MTMR3: variants seen among roughly 807,000 people sequenced by gnomAD.
The protein encoded by MTMR3 is phosphatidylinositol-3,5-bisphosphate 3-phosphatase MTMR3.
In MTMR3, 32 loss-of-function variants were observed where a neutral mutation model predicts 132.4. The ratio of observed to expected loss-of-function variants is 0.24; its 90% CI spans 0.18 to 0.32. MTMR3 has a LOEUF of 0.32. Ranked by LOEUF, MTMR3 falls within the 10% of genes least tolerant of loss-of-function variation. MTMR3 has a pLI of 1.00. For synonymous variants in MTMR3, 556 were observed against 550.3 expected, an observed-to-expected ratio of 1.01 and a Z score of -0.14; for missense variants, 1,216 against 1,489.6, an observed-to-expected ratio of 0.82 and a Z score of 3.02.
rs1056745238 is a variant in MTMR3, at chr22:29,951,941, G to C, written c.-137-5095G>C. On this transcript the variant is annotated intron_variant, in intron 1 of 19. Transcript: ENST00000401950. ...CTCTCACTCTATCAAGTGGAGTGTC[G>C]TGTAGTGGCTCGATCATGGCTCACT... Among the ~76,000 whole-genome samples, 11 of 140,938 alleles carry C rather than the reference G, an allele frequency of 7.8e-5. 1 individual carries two copies. Among genetic ancestry groups the C allele is most frequent in the South Asian group, 4.4e-4 (2 of 4,572 alleles). The allele number at this position is 140,938 out of a possible 152,430, so 92.5% of individuals were successfully genotyped here. A position where few individuals can be genotyped will look rare whatever the true frequency, so the allele number is the denominator to read the frequency against.
intron 7 of MTMR3, chr22:29,995,219 A>T (rs1730335419): frequency 6.6e-6 from 1 of 152,294 alleles, no homozygotes; most frequent in Non-Finnish European, 1.5e-5. Context: ...CCGGGTTTGA[A>T]TGCAGTCCAG....
At chr22:29,893,387 G>A (rs947986067) in intron 1 of MTMR3, among the ~76,000 whole-genome samples, 1 of 152,062 alleles carries the variant, frequency 6.6e-6, no homozygotes, top group Non-Finnish European at 1.5e-5. Flanking sequence ...GTATGTATTT[G>A]TTTATTTAGT....
intron 1 of MTMR3, among the ~76,000 whole-genome samples, chr22:29,911,144 G>A (rs1389920259): frequency 1.3e-5 from 2 of 152,118 alleles, no homozygotes; most frequent in East Asian, 3.9e-4. Context: ...GTAAAGAGGA[G>A]CATGAGATAG....
At chr22:29,909,668 AT>A (rs1331959913) in intron 1 of MTMR3, among the ~76,000 whole-genome samples, 1 of 152,234 alleles carries the variant, frequency 6.6e-6, no homozygotes, top group Non-Finnish European at 1.5e-5. Flanking sequence ...TCTCCCCTCC[AT>A]TAATTGTAAC....
intron 2 of MTMR3, among the ~76,000 whole-genome samples, chr22:29,959,820 G>C (rs2066274861): frequency 1.4e-5 from 2 of 147,478 alleles, no homozygotes; most frequent in African/African-American, 5.1e-5. Flanking sequence ...ATGCAGTGGT[G>C]TGATCATGGG....
chr22:30,020,016 A>C lies in MTMR3; in HGVS notation c.2357A>C (p.Glu786Ala). The C allele has an allele frequency of 6.2e-7, 1 of 1,614,132 alleles. No individual in the cohort carries two copies. The highest frequency in any genetic ancestry group is 8.5e-7 in the Non-Finnish European group (1 of 1,180,008). ...TCTCTCCAGGTCCCCCCCAGGGGAG[A>C]GGATTCCCTGGAGGTCCCTGTGGAG... is the stretch of plus-strand genomic sequence containing the variant. ...LSSLQVPPRG[E>A]DSLEVPVEQF... The change falls in exon 17 of 20, where the codon GAG (glutamate) becomes GCG (alanine). Residue 786 changes from glutamate to alanine, a missense_variant. This residue lies in a region of MTMR3 where 852 missense variants were observed against 852.0 expected (regional missense o/e 1.00). Coordinates refer to ENST00000401950, the MANE Select transcript of MTMR3 (RefSeq NM_021090.4).
chr22:29,913,495 T>C (rs1323857371), intron 1 of MTMR3, among the ~76,000 whole-genome samples: 2 of 152,188 alleles, frequency 1.3e-5, no homozygotes, highest in Non-Finnish European at 2.9e-5. Flanking sequence ...GGTTAAAAAA[T>C]CAGCCTTAGA....
chr22:29,899,746 A>C (rs1464404155), intron 1 of MTMR3: 1 of 152,234 alleles, frequency 6.6e-6, no homozygotes, highest in Admixed American at 6.5e-5. Flanking sequence ...GGGAATGGAA[A>C]TCAGAATAAT....
intron 1 of MTMR3, among the ~76,000 whole-genome samples, chr22:29,941,173 C>A (rs2065850587): frequency 7.1e-6 from 1 of 139,888 alleles, no homozygotes; most frequent in African/African-American, 3.3e-5. Flanking sequence ...ATATTCTTTT[C>A]TAACTTGTTG....
chr22:29,979,158 C>A, intron 5 of MTMR3, 106 bp downstream of exon 5: 1 of 781,210 alleles, frequency 1.3e-6, no homozygotes, highest in Non-Finnish European at 2.2e-6. Context: ...GGAGAGAAAG[C>A]ATTATGTGCT....
chr22:29,956,802 C>G (rs1017031780), intron 1 of MTMR3, among the ~76,000 whole-genome samples: 1 of 152,104 alleles, frequency 6.6e-6, no homozygotes, highest in Non-Finnish European at 1.5e-5. Context: ...AAGCTCTGTT[C>G]TCTACAGTTC....
intron 12 of MTMR3, 112 bp downstream of exon 12, chr22:30,009,241 TC>T: frequency 1.4e-6 from 1 of 727,786 alleles, no homozygotes; most frequent in Non-Finnish European, 2.3e-6. Flanking sequence ...GAGCAGTCTT[TC>T]CTTCTGTTTC....
chr22:29,906,067 G>A (rs935214231), intron 1 of MTMR3, among the ~76,000 whole-genome samples: 11 of 151,810 alleles, frequency 7.2e-5, no homozygotes, highest in Non-Finnish European at 1.6e-4. Context: ...TGTTTTCTAC[G>A]CTGGCCTTTA....
intron 1 of MTMR3, among the ~76,000 whole-genome samples, chr22:29,901,649 T>C (rs2065004437): frequency 6.6e-6 from 1 of 152,176 alleles, no homozygotes; most frequent in Middle Eastern, 3.2e-3. Context: ...TTTTTCTCTG[T>C]TGTATTGTCT....
At chr22:29,962,868 G>A (rs779642162) in intron 2 of MTMR3, among the ~76,000 whole-genome samples, 77 of 150,336 alleles carry the variant, frequency 5.1e-4, no homozygotes, top group Non-Finnish European at 7.2e-4. Flanking sequence ...GTTCATTCAC[G>A]TTGAAGCATG....
chr22:29,955,845 G>A (rs182047813), intron 1 of MTMR3, among the ~76,000 whole-genome samples: 7 of 152,038 alleles, frequency 4.6e-5, no homozygotes, highest in Admixed American at 3.9e-4. Flanking sequence ...TCCACCTCCC[G>A]GGTTTGAGTG....
At chr22:29,898,333 A>G (rs1175714013) in intron 1 of MTMR3, among the ~76,000 whole-genome samples, 5 of 152,138 alleles carry the variant, frequency 3.3e-5, no homozygotes, top group Non-Finnish European at 1.5e-5. Context: ...GGTTTGTTAC[A>G]TGGGTATATT....
chr22:29,888,369 G>A (rs1219690825), intron 1 of MTMR3, among the ~76,000 whole-genome samples: 1 of 151,882 alleles, frequency 6.6e-6, no homozygotes, highest in African/African-American at 2.4e-5. Context: ...TTTTTCTTTT[G>A]GGTTGTGATA....
intron 1 of MTMR3, among the ~76,000 whole-genome samples, chr22:29,890,813 A>G (rs2064781998): frequency 6.6e-6 from 1 of 151,916 alleles, no homozygotes; most frequent in Non-Finnish European, 1.5e-5. Context: ...GGTGTAGACC[A>G]GTGGTCTTCA....
Sources: gnomAD v4.1 joint callset for allele counts (sites outside exome capture counted in the v4.1 genomes callset) on GRCh38, gnomAD v4.1.1 for gene constraint, gnomAD v4.1.1 regional missense constraint, MANE v1.5 for transcripts, NCBI Gene and HGNC (gene_info 2026-07-23, HGNC 2026-07-21) for gene names.